The following SGCZ variants were observed in gnomAD, a reference collection of about 807,000 sequenced individuals.
The protein encoded by SGCZ is zeta-sarcoglycan.
Under a neutral mutation model 41.3 loss-of-function variants are expected in SGCZ, and 40 were observed. That is an observed-to-expected ratio of 0.97 (90% CI 0.75 to 1.26). The LOEUF is 1.26. Ranked by LOEUF, SGCZ falls within the 50% of genes most tolerant of loss-of-function variation. The pLI, the probability that SGCZ is intolerant of heterozygous loss-of-function variation, is 0.00. For synonymous variants in SGCZ, 206 were observed against 137.5 expected, an observed-to-expected ratio of 1.50 and a Z score of -3.49; for missense variants, 552 against 369.8, an observed-to-expected ratio of 1.49 and a Z score of -4.04.
chr8:15,016,068 C>T (rs1191198522), intron 1 of SGCZ, among the ~76,000 whole-genome samples: 2 of 152,128 alleles, frequency 1.3e-5, no homozygotes, highest in Non-Finnish European at 2.9e-5. Flanking sequence ...CCATTATATC[C>T]TGCTGATTAG....
intron 1 of SGCZ, among the ~76,000 whole-genome samples, chr8:14,870,158 C>A (rs560059800): frequency 6.6e-6 from 1 of 152,118 alleles, no homozygotes; most frequent in Non-Finnish European, 1.5e-5. Context: ...CATCACACTA[C>A]CTGACTTCAA....
chr8:14,228,567 T>C (rs1268046429), intron 4 of SGCZ, among the ~76,000 whole-genome samples: 1 of 152,104 alleles, frequency 6.6e-6, no homozygotes, highest in African/African-American at 2.4e-5. Flanking sequence ...TCTGCAGTAT[T>C]GTGCACTTAA....
chr8:14,121,488 G>C (rs1802694622), intron 5 of SGCZ, among the ~76,000 whole-genome samples: 2 of 152,094 alleles, frequency 1.3e-5, no homozygotes, highest in Non-Finnish European at 1.5e-5. Context: ...AAAAATATGT[G>C]ATATCTTACC....
chr8:14,909,272 C>A (rs780154706), intron 1 of SGCZ, among the ~76,000 whole-genome samples: 1 of 152,106 alleles, frequency 6.6e-6, no homozygotes, highest in Non-Finnish European at 1.5e-5. Context: ...GTGAAGCTAT[C>A]GAAAAATCCT....
chr8:14,509,018 C>T (rs758749039), intron 2 of SGCZ, among the ~76,000 whole-genome samples: 3 of 152,046 alleles, frequency 2.0e-5, no homozygotes, highest in East Asian at 1.9e-4. Flanking sequence ...GTGTTAATAT[C>T]GAACTTTCAA....
At chr8:14,819,995 G>T (rs1173706907) in intron 1 of SGCZ, among the ~76,000 whole-genome samples, 1 of 151,898 alleles carries the variant, frequency 6.6e-6, no homozygotes, top group Admixed American at 6.6e-5. Flanking sequence ...TAACAAAATG[G>T]CAGGAATAAC....
At chr8:14,635,989 G>C (rs1270154700) in intron 1 of SGCZ, among the ~76,000 whole-genome samples, 1 of 151,874 alleles carries the variant, frequency 6.6e-6, no homozygotes, top group Non-Finnish European at 1.5e-5. Flanking sequence ...AGAAGGTTTG[G>C]TTAATCAAAA....
At chr8:14,983,258 T>C (rs1801728636) in intron 1 of SGCZ, among the ~76,000 whole-genome samples, 1 of 151,748 alleles carries the variant, frequency 6.6e-6, no homozygotes, top group Non-Finnish European at 1.5e-5. Context: ...TAATCATAGC[T>C]CACTGCAGCC....
rs185736908 is a variant in SGCZ, at chr8:14,711,009, G to A, written c.40-156083C>T. On this transcript the variant is annotated intron_variant, in intron 1 of 7. Coordinates refer to ENST00000382080, the MANE Select transcript of SGCZ (RefSeq NM_139167.4). Reference sequence around the variant, plus strand: ...TTCACTAGCATTGTTTTCATAGGACGTATGACATATATACCCTTTTAATGA... The same window carrying A: ...TTCACTAGCATTGTTTTCATAGGACATATGACATATATACCCTTTTAATGA... Among the ~76,000 whole-genome samples, 495 of 152,218 alleles carry A rather than the reference G, an allele frequency of 3.3e-3. 13 individuals carry two copies. The highest frequency in any genetic ancestry group is 0.03 in the Admixed American group (455 of 15,288).
chr8:14,236,947 C>T (rs1339015017), intron 4 of SGCZ, among the ~76,000 whole-genome samples: 1 of 151,560 alleles, frequency 6.6e-6, no homozygotes, highest in African/African-American at 2.4e-5. Context: ...ACACATAAAG[C>T]CTATAAATCT....
At chr8:14,210,225 ATT>A (rs947572518) in intron 4 of SGCZ, among the ~76,000 whole-genome samples, 26 of 151,984 alleles carry the variant, frequency 1.7e-4, no homozygotes, top group Non-Finnish European at 2.9e-5. Flanking sequence ...CGTCTAGCTA[ATT>A]TTTGCATTTT....
intron 1 of SGCZ, among the ~76,000 whole-genome samples, chr8:14,639,899 G>A (rs1452826778): frequency 6.6e-6 from 1 of 151,456 alleles, no homozygotes; most frequent in Non-Finnish European, 1.5e-5. Flanking sequence ...CCTCCTGCAA[G>A]ATACTCTCTA....
intron 1 of SGCZ, among the ~76,000 whole-genome samples, chr8:14,619,715 C>T (rs996168672): frequency 6.6e-6 from 1 of 151,986 alleles, no homozygotes; most frequent in Admixed American, 6.6e-5. Context: ...AATAAAATAC[C>T]TAGGAATCCA....
chr8:14,934,321 A>C (rs944629151), intron 1 of SGCZ, among the ~76,000 whole-genome samples: 1 of 151,996 alleles, frequency 6.6e-6, no homozygotes, highest in Non-Finnish European at 1.5e-5. Context: ...ATGTGTCTGT[A>C]ATTAATATAT....
intron 1 of SGCZ, among the ~76,000 whole-genome samples, chr8:15,026,988 G>A (rs561147078): frequency 3.9e-5 from 6 of 152,136 alleles, no homozygotes; most frequent in African/African-American, 1.4e-4. Context: ...ACAGACAATG[G>A]TTCCACCAAT....
chr8:14,271,381 GC>G (rs1378582093), intron 3 of SGCZ, among the ~76,000 whole-genome samples: 1 of 152,156 alleles, frequency 6.6e-6, no homozygotes, highest in Non-Finnish European at 1.5e-5. Context: ...TTAAATGTGA[GC>G]TTTAATATAT....
chr8:14,288,000 T>C (rs10089828), intron 3 of SGCZ, among the ~76,000 whole-genome samples: 5,058 of 152,230 alleles, frequency 0.033, 276 homozygotes, highest in African/African-American at 0.11. Context: ...TTTTTTTACC[T>C]ACTATTTATG....
rs529191813 is a variant in SGCZ, at chr8:15,163,960, G to A, written c.39+73625C>T. Among the ~76,000 whole-genome samples the A allele has an allele frequency of 5.2e-4, 79 of 152,346 alleles. 2 individuals are homozygous for A. The South Asian group carries it at 0.015, about 30-fold the overall frequency. ...TCAGAAAGTTCAGGACGTTTACAGG[G>A]GAAGGAGGCTGGCCTCTCCGCTTCC... On this transcript the variant is annotated intron_variant, in intron 1 of 7. Transcript: ENST00000382080.
chr8:14,378,806 G>A (rs1704108981), intron 2 of SGCZ, among the ~76,000 whole-genome samples: 1 of 152,104 alleles, frequency 6.6e-6, no homozygotes, highest in African/African-American at 2.4e-5. Context: ...TTGTGTCCCA[G>A]AATTGGTTGA....
Sources: allele counts gnomAD v4.1 joint callset (sites outside exome capture counted in the v4.1 genomes callset), GRCh38; gene constraint gnomAD v4.1.1; transcripts MANE v1.5; gene names NCBI Gene and HGNC (gene_info 2026-07-23, HGNC 2026-07-21).